The following HS3ST5 variants were observed in gnomAD, a reference collection of about 807,000 sequenced individuals.
The protein encoded by HS3ST5 is heparan sulfate glucosamine 3-O-sulfotransferase 5.
In HS3ST5, 10 loss-of-function variants were observed where a neutral mutation model predicts 25.4. That is an observed-to-expected ratio of 0.39 (90% CI 0.24 to 0.67). The LOEUF (loss-of-function observed/expected upper bound fraction) is 0.67, where lower values mean the gene tolerates loss of function less well. HS3ST5 is among the 30% of genes least tolerant of loss of function. The probability of loss-of-function intolerance (pLI) is 0.44; values close to 1 mark genes in which losing one functional copy is unlikely to be tolerated. For missense variants in HS3ST5, 324 were observed against 420.7 expected, an observed-to-expected ratio of 0.77 and a Z score of 2.01; for synonymous variants, 170 against 162.4, an observed-to-expected ratio of 1.05 and a Z score of -0.36.
At chr6:114,213,087 T>C (rs1781580160) in intron 2 of HS3ST5, among the ~76,000 whole-genome samples, 2 of 152,086 alleles carry the variant, frequency 1.3e-5, no homozygotes, top group Non-Finnish European at 2.9e-5. Context: ...AAAGTGGCTC[T>C]CAGCGGGATG....
chr6:114,217,180 T>C (rs1031805195), intron 2 of HS3ST5, among the ~76,000 whole-genome samples: 3 of 152,208 alleles, frequency 2.0e-5, no homozygotes, highest in South Asian at 2.1e-4. Flanking sequence ...AAACAACTTG[T>C]TGGGTGAGTT....
intron 4 of HS3ST5, among the ~76,000 whole-genome samples, chr6:114,061,678 A>C (rs1190710142): frequency 6.6e-6 from 1 of 152,210 alleles, no homozygotes; most frequent in Non-Finnish European, 1.5e-5. Flanking sequence ...AGCCAGGCAC[A>C]GTGGTTCACA....
chr6:114,153,808 A>AACT (rs1450049682), intron 3 of HS3ST5, among the ~76,000 whole-genome samples: 1 of 152,178 alleles, frequency 6.6e-6, no homozygotes, highest in African/African-American at 2.4e-5. Flanking sequence ...CTATCTTAGT[A>AACT]CTCACAACAA....
intron 1 of HS3ST5, among the ~76,000 whole-genome samples, chr6:114,241,695 T>G (rs1233065261): frequency 6.6e-6 from 1 of 152,174 alleles, no homozygotes; most frequent in Non-Finnish European, 1.5e-5. Flanking sequence ...TGAAAAGGTA[T>G]GTTGAAATGT....
At chr6:114,325,431 T>C (rs1434057135) in intron 1 of HS3ST5, among the ~76,000 whole-genome samples, 2 of 152,190 alleles carry the variant, frequency 1.3e-5, no homozygotes, top group Non-Finnish European at 1.5e-5. Context: ...TATTTCTTTG[T>C]TAAGGTGGGT....
chr6:114,303,627 C>T (rs548298402), intron 1 of HS3ST5, among the ~76,000 whole-genome samples: 3 of 152,022 alleles, frequency 2.0e-5, no homozygotes, highest in Non-Finnish European at 4.4e-5. Flanking sequence ...GGGGTTTTCT[C>T]ACGTTGGTAC....
At chr6:114,239,942 G>A (rs924878893) in intron 1 of HS3ST5, among the ~76,000 whole-genome samples, 2 of 151,830 alleles carry the variant, frequency 1.3e-5, no homozygotes, top group African/African-American at 4.8e-5. Context: ...TACTTTGCCA[G>A]CACAAAGCTC....
rs376630872 is a variant in HS3ST5 at position 114,057,589 on chromosome 6, G to A, written c.709C>T (p.His237Tyr). The A allele has an allele frequency of 1.2e-6, 2 of 1,614,048 alleles. No homozygotes were observed. The highest frequency in any genetic ancestry group is 8.5e-7 in the Non-Finnish European group (1 of 1,180,024). Residue 237 changes from histidine to tyrosine, a missense_variant, in exon 5 of 5, where the codon CAT becomes TAT. Physicochemically the swap from His to Tyr is moderately conservative, Grantham distance 83. Around this residue, in one of 2 missense-constraint regions of HS3ST5, gnomAD observed 203 missense variants for 303.4 expected, o/e 0.67. Coordinates refer to ENST00000312719, the MANE Select transcript of HS3ST5 (RefSeq NM_153612.4). ...KAVRTSIYTKHLERWLKYFPI... is the reference protein window; with the variant it reads ...KAVRTSIYTKYLERWLKYFPI... ...AAGTATTTCAACCACCTTTCCAGAT[G>A]TTTGGTGTAGATGCTGGTTCTTACT...
chr6:114,177,306 CT>C (rs1227756628), intron 2 of HS3ST5, among the ~76,000 whole-genome samples: 1 of 152,150 alleles, frequency 6.6e-6, no homozygotes, highest in Admixed American at 6.6e-5. Context: ...CCTTTTCCTC[CT>C]TTAAATTCAG....
At chr6:114,142,641 A>G (rs1296808856) in intron 3 of HS3ST5, 2 of 152,222 alleles carry the variant, frequency 1.3e-5, no homozygotes, top group Admixed American at 1.3e-4. Flanking sequence ...GGTAAATGCC[A>G]TTTACAGAAA....
At chr6:114,280,616 G>C (rs1774064847) in intron 1 of HS3ST5, among the ~76,000 whole-genome samples, 1 of 151,958 alleles carries the variant, frequency 6.6e-6, no homozygotes, top group Non-Finnish European at 1.5e-5. Flanking sequence ...CATCATAAAT[G>C]GTGTATTTAA....
At chr6:114,078,592 T>C (rs1774275409) in intron 3 of HS3ST5, among the ~76,000 whole-genome samples, 1 of 152,184 alleles carries the variant, frequency 6.6e-6, no homozygotes, top group Non-Finnish European at 1.5e-5. Context: ...ACAACAAAAA[T>C]ATAAGAGACA....
intron 3 of HS3ST5, among the ~76,000 whole-genome samples, chr6:114,157,653 A>G (rs528434296): frequency 1.8e-4 from 28 of 152,350 alleles, no homozygotes; most frequent in African/African-American, 6.7e-4. Context: ...TTCACAATGT[A>G]TACATATATC....
intron 3 of HS3ST5, among the ~76,000 whole-genome samples, chr6:114,124,616 G>T (rs1013441713): frequency 6.7e-6 from 1 of 148,218 alleles, no homozygotes; most frequent in South Asian, 2.1e-4. Flanking sequence ...AAGCAGCTCT[G>T]TCCAGGATTA....
At chr6:114,327,776 G>A (rs1034781895) in intron 1 of HS3ST5, among the ~76,000 whole-genome samples, 1 of 152,040 alleles carries the variant, frequency 6.6e-6, no homozygotes, top group Non-Finnish European at 1.5e-5. Context: ...ACAATAGGCT[G>A]TTTATATATC....
intron 1 of HS3ST5, among the ~76,000 whole-genome samples, chr6:114,338,732 GAAAC>G (rs1399280953): frequency 1.3e-5 from 2 of 151,960 alleles, no homozygotes; most frequent in Admixed American, 6.5e-5. Flanking sequence ...TTAAAACTCA[GAAAC>G]AAACATTGAT....
intron 1 of HS3ST5, among the ~76,000 whole-genome samples, chr6:114,292,903 T>C (rs1402249575): frequency 2.0e-5 from 3 of 152,218 alleles, no homozygotes; most frequent in African/African-American, 7.2e-5. Context: ...TTTTGAAATT[T>C]GTATCATATT....
intron 1 of HS3ST5, among the ~76,000 whole-genome samples, chr6:114,258,001 C>T (rs1314986256): frequency 6.6e-6 from 1 of 152,172 alleles, no homozygotes; most frequent in Non-Finnish European, 1.5e-5. Context: ...CCAAGGGATC[C>T]TCCTGCCTTG....
chr6:114,107,465 A>T (rs998913145), intron 3 of HS3ST5, among the ~76,000 whole-genome samples: 8 of 152,168 alleles, frequency 5.3e-5, no homozygotes, highest in Admixed American at 6.5e-5. Flanking sequence ...TTCCTCCTAA[A>T]ATCAGGAAGA....
Sources: allele counts gnomAD v4.1 joint callset (sites outside exome capture counted in the v4.1 genomes callset), GRCh38; gene constraint gnomAD v4.1.1; regional missense constraint gnomAD v4.1.1; transcripts MANE v1.5; gene names NCBI Gene and HGNC (gene_info 2026-07-23, HGNC 2026-07-21).